The following PRPF6 variants were observed in gnomAD, a reference collection of about 807,000 sequenced individuals.
PRPF6 encodes pre-mRNA processing factor 6, also known as pre-mRNA-processing factor 6.
Under a neutral mutation model 118.3 loss-of-function variants are expected in PRPF6, and 42 were observed. The ratio of observed to expected loss-of-function variants is 0.35; its 90% CI spans 0.28 to 0.46. PRPF6 has a LOEUF of 0.46. Ranked by LOEUF, PRPF6 falls within the 20% of genes least tolerant of loss-of-function variation. PRPF6 has a pLI of 1.00. For missense variants in PRPF6, 662 were observed against 1,255.7 expected, an observed-to-expected ratio of 0.53 and a Z score of 7.15; for synonymous variants, 481 against 485.1, an observed-to-expected ratio of 0.99 and a Z score of 0.11.
At chr20:63,991,745 G>T (rs376847767) in intron 3 of PRPF6, among the ~76,000 whole-genome samples, 1 of 151,538 alleles carries the variant, frequency 6.6e-6, no homozygotes, top group Admixed American at 6.6e-5. Context: ...AGCTGAGATC[G>T]CACCACTGCA....
intron 11 of PRPF6, among the ~76,000 whole-genome samples, chr20:64,015,783 C>T (rs2059234291): frequency 2.0e-5 from 3 of 152,168 alleles, no homozygotes; most frequent in South Asian, 4.1e-4. Context: ...CAATGTTGCT[C>T]ATCTGATACG....
At position 64,015,473 on chromosome 20, in the gene PRPF6, C is replaced by T. The variant is rs148676241; in HGVS notation, c.1525-1250C>T. On this transcript the variant is annotated intron_variant, in intron 11 of 20. Transcript: ENST00000266079. ...GGAGGGTCTGGGAGGCATGTGGCTCCGGTTGCACTTTGCTCACGGTCCATG... is the reference window on the plus strand; with the variant it reads ...GGAGGGTCTGGGAGGCATGTGGCTCTGGTTGCACTTTGCTCACGGTCCATG... 8.5e-5 allele frequency among the ~76,000 whole-genome samples: 13 copies of T among 152,320 alleles called. No homozygotes were observed. In the East Asian group the frequency reaches 9.6e-4, roughly 11 times the overall value.
At chr20:64,009,582 G>A (rs1206801097) in intron 9 of PRPF6, among the ~76,000 whole-genome samples, 1 of 152,142 alleles carries the variant, frequency 6.6e-6, no homozygotes, top group African/African-American at 2.4e-5. Flanking sequence ...AATTAGCCAG[G>A]CGTGGTGGTG....
In PRPF6 at chr20:64,024,642, G is replaced by T; in HGVS notation, c.1857G>T (p.Trp619Cys). Reference sequence around the variant, plus strand: ...GGCTCATGGGCGCCAAGTCCAAGTGGCTGGCAGGGGATGTGCCTGCAGCAA... The same window carrying T: ...GGCTCATGGGCGCCAAGTCCAAGTGTCTGGCAGGGGATGTGCCTGCAGCAA... ...VLWLMGAKSK[W>C]LAGDVPAARS... Residue 619 changes from tryptophan to cysteine, a missense_variant, in exon 14 of 21, where the codon TGG becomes TGT. Trp to Cys is a radical substitution (Grantham distance 215, BLOSUM62 -2). Transcript: ENST00000266079. The T allele has an allele frequency of 6.2e-7, 1 of 1,613,706 alleles. No homozygotes were observed. Among genetic ancestry groups the T allele is most frequent in the Non-Finnish European group, 8.5e-7 (1 of 1,180,020 alleles).
chr20:64,023,361 C>T (rs983946660), intron 13 of PRPF6, among the ~76,000 whole-genome samples: 2 of 152,234 alleles, frequency 1.3e-5, no homozygotes, highest in African/African-American at 4.8e-5. Context: ...TCTTTCAGGT[C>T]CGCTTTATTG....
At chr20:63,998,373 G>A (rs1488298585) in intron 6 of PRPF6, among the ~76,000 whole-genome samples, 1 of 150,898 alleles carries the variant, frequency 6.6e-6, no homozygotes, top group Non-Finnish European at 1.5e-5. Context: ...GTTTACAGGC[G>A]TGAGCCACCA....
chr20:63,983,677 G>A (rs866954969), intron 2 of PRPF6, among the ~76,000 whole-genome samples: 26 of 142,900 alleles, frequency 1.8e-4, no homozygotes, highest in Middle Eastern at 3.7e-3. Flanking sequence ...TTTTTGAGAC[G>A]GACTTTCGCT....
At chr20:64,015,437 G>T (rs1019564476) in intron 11 of PRPF6, among the ~76,000 whole-genome samples, 8 of 152,184 alleles carry the variant, frequency 5.3e-5, no homozygotes, top group South Asian at 2.1e-4. Flanking sequence ...TCTGGTGCTG[G>T]CAGGGCCCTG....
At chr20:64,031,851 G>A (rs956530089) in intron 19 of PRPF6, 67 bp from the exon 20 acceptor site, 115 of 1,610,750 alleles carry the variant, frequency 7.1e-5, no homozygotes, top group Middle Eastern at 1.6e-4. Context: ...CCCTGAAGCC[G>A]TTCCCCTGCC....
intron 3 of PRPF6, among the ~76,000 whole-genome samples, chr20:63,986,425 A>G (rs375900190): frequency 6.6e-6 from 1 of 152,020 alleles, no homozygotes; most frequent in South Asian, 2.1e-4. Flanking sequence ...GGGTGGTTCA[A>G]CATATGCAAA....
At chr20:63,982,427 C>T (rs1045994854) in intron 1 of PRPF6, among the ~76,000 whole-genome samples, 3 of 152,196 alleles carry the variant, frequency 2.0e-5, no homozygotes, top group Admixed American at 6.5e-5. Flanking sequence ...GCCTCCGTCT[C>T]CCAAAGTGCT....
intron 8 of PRPF6, among the ~76,000 whole-genome samples, chr20:64,000,209 C>T (rs2059160318): frequency 6.6e-6 from 1 of 152,134 alleles, no homozygotes; most frequent in Admixed American, 6.5e-5. Flanking sequence ...CTAATGGTGG[C>T]CAGTCACGGT....
At chr20:64,023,005 G>A (rs1248822463) in intron 13 of PRPF6, 127 bp downstream of exon 13, 1 of 1,440,296 alleles carries the variant, frequency 6.9e-7, no homozygotes, top group Non-Finnish European at 9.6e-7. Flanking sequence ...TGGCCCTCTG[G>A]TTGTGATGAA....
intron 3 of PRPF6, among the ~76,000 whole-genome samples, chr20:63,990,858 G>C (rs1470995685): frequency 6.6e-6 from 1 of 151,906 alleles, no homozygotes; most frequent in Non-Finnish European, 1.5e-5. Flanking sequence ...TTTCACCAAT[G>C]TTAGCCAGGC....
At position 64,001,065 on chromosome 20, in the gene PRPF6, C is replaced by T. The variant is rs1314737211; in HGVS notation, c.1024-12C>T. On this transcript the variant is annotated splice_polypyrimidine_tract_variant and intron_variant, in intron 8 of 20. Coordinates refer to ENST00000266079, the MANE Select transcript of PRPF6 (RefSeq NM_012469.4). ...GCACTGAGCCTTATTGGTCTTATCT[C>T]TTGCCTCACAGAGTGAAGATGTCTG... The T allele has an allele frequency of 1.2e-6, 2 of 1,613,716 alleles. No homozygotes were observed. Among genetic ancestry groups the T allele is most frequent in the Non-Finnish European group, 1.7e-6 (2 of 1,179,972 alleles).
chr20:64,004,940 GGGGGCACAGGAAT>G (rs1569217502), intron 9 of PRPF6, among the ~76,000 whole-genome samples: 1 of 152,224 alleles, frequency 6.6e-6, no homozygotes, highest in Non-Finnish European at 1.5e-5. Flanking sequence ...GTGTCCCTCT[GGGGGCACAGGAAT>G]GGCACAGTTC....
At chr20:63,988,864 G>A (rs1190160617) in intron 3 of PRPF6, among the ~76,000 whole-genome samples, 2 of 148,810 alleles carry the variant, frequency 1.3e-5, no homozygotes, top group East Asian at 2.0e-4. Context: ...GTGAGACTCC[G>A]TCTCAAAAAA....
rs141637605 is a variant in PRPF6, at chr20:64,024,573, C to T, written c.1788C>T (p.Leu596=). The T allele has an allele frequency of 2.5e-6, 4 of 1,613,476 alleles. No individual in the cohort carries two copies. The African/African-American group carries it at 5.3e-5, about 22-fold the overall frequency. Residue 596 remains leucine, a synonymous_variant, in exon 14 of 21, where the codon CTC becomes CTT. Coordinates refer to ENST00000266079, the MANE Select transcript of PRPF6 (RefSeq NM_012469.4). The stretch of plus-strand genomic sequence containing the variant: ...CTTGCAGGGAGTCCCTGGAAGCACT[C>T]CTGCAGAGGGCTGTGGCCCACTGCC... The part of the protein sequence containing the change: ...NHGTRESLEA[L]LQRAVAHCPK...
chr20:63,981,593 C>G (rs1459315544), intron 1 of PRPF6, among the ~76,000 whole-genome samples: 3 of 151,992 alleles, frequency 2.0e-5, no homozygotes, highest in Non-Finnish European at 4.4e-5. Flanking sequence ...GTAGAGGAAT[C>G]TGACGTGTAG....
Sources: gnomAD v4.1 joint callset for allele counts (sites outside exome capture counted in the v4.1 genomes callset) on GRCh38, gnomAD v4.1.1 for gene constraint, MANE v1.5 for transcripts, NCBI Gene and HGNC (gene_info 2026-07-23, HGNC 2026-07-21) for gene names.